The following PAX9 variants were observed in gnomAD, a reference collection of about 807,000 sequenced individuals.
PAX9 encodes paired box protein Pax-9.
Under a neutral mutation model 29.1 loss-of-function variants are expected in PAX9, and 6 were observed. That is an observed-to-expected ratio of 0.21 (90% confidence interval 0.11 to 0.41). PAX9 has a LOEUF of 0.41. Among genes scored for constraint, PAX9 ranks in the 10% least tolerant of loss-of-function variants. PAX9 has a pLI of 1.00. For missense variants in PAX9, 443 were observed against 479.1 expected (o/e 0.92, Z 0.70); for synonymous variants, 217 against 211.7 (o/e 1.03, Z -0.22).
intron 3 of PAX9, chr14:36,671,962 TCTC>T (rs1476736000): frequency 6.6e-6 from 1 of 152,142 alleles, no homozygotes; most frequent in East Asian, 1.9e-4. Context: ...TATTAGTAAA[TCTC>T]CTTCTCAAAT....
chr14:36,662,950 C>A lies in PAX9; in HGVS notation c.58C>A (p.Pro20Thr). The A allele has an allele frequency of 6.2e-7, 1 of 1,613,182 alleles. No homozygotes were observed. Among genetic ancestry groups the A allele is most frequent in the African/African-American group, 1.3e-5 (1 of 75,062 alleles). The change falls in exon 2 of 4, where the codon CCG (proline) becomes ACG (threonine). Residue 20 changes from proline to threonine, a missense_variant. Around this residue, in one of 2 missense-constraint regions of PAX9, gnomAD observed 107 missense variants for 161.9 expected, o/e 0.66. Transcript: ENST00000361487. ...QLGGVFVNGR[P>T]LPNAIRLRIV... The stretch of plus-strand genomic sequence containing the variant: ...GGGAGGAGTGTTCGTGAACGGGAGG[C>A]CGCTGCCCAACGCCATCCGGCTTCG...
At chr14:36,670,936 A>G (rs1304092885) in intron 3 of PAX9, 2 of 266,496 alleles carry the variant, frequency 7.5e-6, no homozygotes, top group Non-Finnish European at 1.5e-5. Context: ...ATTTATAACC[A>G]TCATTTCATT....
intron 2 of PAX9, among the ~76,000 whole-genome samples, chr14:36,665,240 G>A (rs1457114316): frequency 6.7e-6 from 1 of 150,336 alleles, no homozygotes; most frequent in Non-Finnish European, 1.5e-5. Flanking sequence ...CCTACCATCA[G>A]AGCAAATGTC....
upstream of PAX9, chr14:36,658,795 T>C (rs1881140854): frequency 6.6e-6 from 1 of 152,256 alleles, no homozygotes; most frequent in South Asian, 2.1e-4. Context: ...TCACAGCATC[T>C]GGCTGGGGTC....
intron 1 of PAX9, chr14:36,662,524 T>G: frequency 7.7e-6 from 3 of 389,084 alleles, no homozygotes; most frequent in Non-Finnish European, 4.6e-6. Flanking sequence ...GGGGATGGGA[T>G]GGGTGGAGAG....
At position 36,678,721 on chromosome 14, in the gene PAX9, C is replaced by A. The variant is rs1566482779; in HGVS notation, c.*2269C>A. 5 of 1,203,044 alleles carry A rather than the reference C, an allele frequency of 4.2e-6. No homozygotes were observed. Among genetic ancestry groups the A allele is most frequent in the Non-Finnish European group, 5.2e-6 (5 of 964,724 alleles). 74.5% of individuals were successfully genotyped at this position (1,203,044 alleles called of 1,614,324 possible). ...ATTTTCTTTATCTAAATTAAGAAAT[C>A]TCTTGTTATTGTGCTATTTATAATT... On this transcript the variant is annotated 3_prime_UTR_variant, in exon 4 of 4. Transcript: ENST00000361487.
intron 3 of PAX9, among the ~76,000 whole-genome samples, chr14:36,668,601 C>G (rs982827803): frequency 2.0e-5 from 3 of 152,108 alleles, no homozygotes; most frequent in African/African-American, 7.2e-5. Context: ...GTTGGCCTGG[C>G]TGGTCTTGAT....
chr14:36,658,838 T>A (rs1881143032), upstream of PAX9: 1 of 152,318 alleles, frequency 6.6e-6, no homozygotes, highest in Non-Finnish European at 1.5e-5. Flanking sequence ...GTCGATCCGA[T>A]GCTGGGGTCT....
chr14:36,667,143 G>A lies in PAX9; in HGVS notation c.771+542G>A, dbSNP rs1429419173. Among the ~76,000 whole-genome samples, 6 of 152,238 alleles carry A rather than the reference G, an allele frequency of 3.9e-5. No homozygotes were observed. In the East Asian group the frequency reaches 1.2e-3, roughly 29 times the overall value. ...GACAAACACGCTTGGCCAATCCTGCGGAGAGGGGCACCCAGATAAACGTAA... is the reference window on the plus strand; with the variant it reads ...GACAAACACGCTTGGCCAATCCTGCAGAGAGGGGCACCCAGATAAACGTAA... On this transcript the variant is annotated intron_variant, in intron 3 of 3. Coordinates refer to ENST00000361487, the MANE Select transcript of PAX9 (RefSeq NM_001372076.1).
intron 3 of PAX9, among the ~76,000 whole-genome samples, chr14:36,671,631 A>G (rs1423442107): frequency 1.3e-5 from 2 of 152,146 alleles, no homozygotes; most frequent in Non-Finnish European, 2.9e-5. Context: ...GGGATACAAG[A>G]TGATTAAGGC....
intron 3 of PAX9, among the ~76,000 whole-genome samples, chr14:36,667,093 C>T (rs1174053943): frequency 6.6e-6 from 1 of 152,190 alleles, no homozygotes; most frequent in African/African-American, 2.4e-5. Flanking sequence ...TCCTCACGTT[C>T]GGACTTTCTC....
chr14:36,670,484 A>T (rs1881659776), intron 3 of PAX9, among the ~76,000 whole-genome samples: 2 of 152,086 alleles, frequency 1.3e-5, no homozygotes, highest in Non-Finnish European at 1.5e-5. Context: ...GTATTATTTT[A>T]AAAACTGGCT....
chr14:36,670,177 G>T (rs1442455791), intron 3 of PAX9, among the ~76,000 whole-genome samples: 2 of 152,022 alleles, frequency 1.3e-5, no homozygotes, highest in Non-Finnish European at 2.9e-5. Context: ...TCTCAAGAAA[G>T]ATACATTGCA....
Position 36,666,442 on chromosome 14 carries a change from C to A in PAX9, c.632-20C>A, listed in dbSNP as rs1443869178. On this transcript the variant is annotated intron_variant, in intron 2 of 3. Transcript: ENST00000361487. Reference sequence around the variant, plus strand: ...CGCGGGCTGGGCCTCCGGCCTGACACCCTCTCTTCTCTCCATCAGTGAGCG... The same window carrying A: ...CGCGGGCTGGGCCTCCGGCCTGACAACCTCTCTTCTCTCCATCAGTGAGCG... 8.7e-6 allele frequency: 14 copies of A among 1,608,536 alleles called. No individual in the cohort carries two copies. The highest frequency in any genetic ancestry group is 1.2e-5 in the Non-Finnish European group (14 of 1,178,198).
chr14:36,679,283 C>T lies in PAX9; in HGVS notation c.*2831C>T, dbSNP rs1882073155. On this transcript the variant is annotated 3_prime_UTR_variant, in exon 4 of 4. Transcript: ENST00000361487. ...GTTGGAAAGGATGTACAACAGAAGG[C>T]TATGTATGTATATACAGTATGTCAA... is the stretch of plus-strand genomic sequence containing the variant. 1.0e-6 allele frequency: 1 copy of T among 980,298 alleles called. No homozygotes were observed. The highest frequency in any genetic ancestry group is 1.2e-6 in the Non-Finnish European group (1 of 825,414). The allele number at this position is 980,298 out of a possible 1,614,324, so 60.7% of individuals were successfully genotyped here.
At chr14:36,664,073 T>C (rs1044599222) in intron 2 of PAX9, among the ~76,000 whole-genome samples, 1 of 152,226 alleles carries the variant, frequency 6.6e-6, no homozygotes, top group Non-Finnish European at 1.5e-5. Context: ...TGTCACCTAA[T>C]TGGTTTCGTT....
intron 2 of PAX9, among the ~76,000 whole-genome samples, chr14:36,663,966 G>A (rs1881392741): frequency 2.0e-5 from 3 of 152,342 alleles, no homozygotes; most frequent in Admixed American, 6.5e-5. Flanking sequence ...CTACGGCCGG[G>A]AGAAGTCTGG....
chr14:36,665,938 G>T (rs1881470344), intron 2 of PAX9: 2 of 158,626 alleles, frequency 1.3e-5, no homozygotes, highest in South Asian at 3.7e-4. Flanking sequence ...GACAGTGCAG[G>T]TCTTTTTGTT....
chr14:36,664,693 G>A (rs1444580761), intron 2 of PAX9, among the ~76,000 whole-genome samples: 2 of 151,606 alleles, frequency 1.3e-5, no homozygotes, highest in Non-Finnish European at 2.9e-5. Context: ...TCAGCCTAAA[G>A]TTTTAAAAGT....
Sources: gnomAD v4.1 joint callset for allele counts (sites outside exome capture counted in the v4.1 genomes callset) on GRCh38, gnomAD v4.1.1 for gene constraint, gnomAD v4.1.1 regional missense constraint, MANE v1.5 for transcripts, NCBI Gene and HGNC (gene_info 2026-07-23, HGNC 2026-07-21) for gene names.